The following POLD3 variants were observed in gnomAD, a reference collection of about 807,000 sequenced individuals.
POLD3 encodes the protein DNA polymerase delta subunit 3.
Under a neutral mutation model 58.2 loss-of-function variants are expected in POLD3, and 19 were observed. That is an observed-to-expected ratio of 0.33 (90% CI 0.23 to 0.48). POLD3 has a LOEUF of 0.48. POLD3 is among the 20% of genes least tolerant of loss of function. POLD3 has a pLI of 0.99. For missense variants in POLD3, 504 were observed against 545.5 expected (o/e 0.92, Z 0.76); for synonymous variants, 172 against 193.5 (o/e 0.89, Z 0.92).
At position 74,641,300 on chromosome 11, in the gene POLD3, C is replaced by T. The variant is rs759774710; in HGVS notation, c.*534C>T. On this transcript the variant is annotated 3_prime_UTR_variant, in exon 12 of 12. Coordinates refer to ENST00000263681, the MANE Select transcript of POLD3 (RefSeq NM_006591.3). Reference sequence around the variant, plus strand: ...TTTTAAGTTTTGGTTGGACTAAAGGCTGAAGTGAAAATCTCCCTGTAATCC... The same window carrying T: ...TTTTAAGTTTTGGTTGGACTAAAGGTTGAAGTGAAAATCTCCCTGTAATCC... 16 of 985,348 alleles carry T rather than the reference C, an allele frequency of 1.6e-5. No homozygotes were observed. The highest frequency in any genetic ancestry group is 1.7e-5 in the Non-Finnish European group (14 of 829,986). The allele number at this position is 985,348 out of a possible 1,614,324, so 61.0% of individuals were successfully genotyped here. A position where few individuals can be genotyped will look rare whatever the true frequency, so the allele number is the denominator to read the frequency against.
intron 4 of POLD3, among the ~76,000 whole-genome samples, chr11:74,650,257 T>C (rs2033051610): frequency 6.6e-6 from 1 of 152,164 alleles, no homozygotes. Context: ...AGACAGCACA[T>C]CAGACTGTCA....
chr11:74,657,143 C>T (rs2033146918), intron 4 of POLD3, among the ~76,000 whole-genome samples: 1 of 151,614 alleles, frequency 6.6e-6, no homozygotes, highest in African/African-American at 2.4e-5. Flanking sequence ...TTTTTCCATC[C>T]CTTTATTTTC....
At chr11:74,650,782 GC>G (rs1386852003) in intron 4 of POLD3, among the ~76,000 whole-genome samples, 1 of 152,198 alleles carries the variant, frequency 6.6e-6, no homozygotes, top group Non-Finnish European at 1.5e-5. Flanking sequence ...AAGTTTCAAG[GC>G]AGCAGAGGCT....
At chr11:74,644,385 G>T (rs2032974918), downstream of POLD3, among the ~76,000 whole-genome samples, 1 of 152,176 alleles carries the variant, frequency 6.6e-6, no homozygotes, top group African/African-American at 2.4e-5. Context: ...TCGTTTTGTT[G>T]TGAGAAGGCA....
intron 11 of POLD3, among the ~76,000 whole-genome samples, chr11:74,637,839 A>G (rs541330727): frequency 1.3e-5 from 2 of 150,678 alleles, no homozygotes; most frequent in Admixed American, 6.6e-5. Flanking sequence ...TTTTGGTCCA[A>G]GCTCAACCTA....
intron 3 of POLD3, among the ~76,000 whole-genome samples, 174 bp downstream of exon 3, chr11:74,604,968 T>G (rs1032596464): frequency 2.6e-5 from 4 of 152,226 alleles, no homozygotes; most frequent in African/African-American, 9.6e-5. Context: ...CTGAGAAGTT[T>G]GGGTAATATC....
chr11:74,603,942 T>G (rs1356440542), intron 2 of POLD3, among the ~76,000 whole-genome samples: 1 of 152,186 alleles, frequency 6.6e-6, no homozygotes, highest in African/African-American at 2.4e-5. Flanking sequence ...AAAAATGAAT[T>G]TAGAGATTTT....
chr11:74,654,540 C>T (rs1189872896), intron 4 of POLD3, among the ~76,000 whole-genome samples: 2 of 152,112 alleles, frequency 1.3e-5, no homozygotes, highest in East Asian at 3.8e-4. Context: ...TTGTCAAAAA[C>T]AAAATTGATT....
rs191470310 is a variant in POLD3 at position 74,618,160 on chromosome 11, G to A, written c.393-377G>A. Among the ~76,000 whole-genome samples the A allele has an allele frequency of 3.4e-3, 515 of 152,244 alleles. 3 individuals are homozygous for A. Among genetic ancestry groups the A allele is most frequent in the African/African-American group, 0.012 (482 of 41,512 alleles). ...AACAAAGGCTATTTCATTTCCCAAG[G>A]ATAATGAAATTACTGCATCTTTTAT... On this transcript the variant is annotated intron_variant, in intron 5 of 11. Transcript: ENST00000263681.
At chr11:74,665,513 G>A (rs2033258070) in intron 4 of POLD3, among the ~76,000 whole-genome samples, 1 of 142,516 alleles carries the variant, frequency 7.0e-6, no homozygotes, top group Non-Finnish European at 1.5e-5. Context: ...CAAGTCTCTT[G>A]CCTCAGCCTC....
intron 4 of POLD3, among the ~76,000 whole-genome samples, chr11:74,664,871 G>A (rs2033247403): frequency 1.3e-5 from 2 of 152,152 alleles, no homozygotes; most frequent in Non-Finnish European, 2.9e-5. Flanking sequence ...AGGCCTAGGT[G>A]GGCAGATCCC....
chr11:74,634,748 A>T, intron 10 of POLD3, 53 bp downstream of exon 10: 1 of 984,246 alleles, frequency 1.0e-6, no homozygotes, highest in East Asian at 2.4e-5. Flanking sequence ...TGTCTTAAGG[A>T]CCTACAACCA....
At chr11:74,656,618 C>CCA (rs2135197224) in intron 4 of POLD3, among the ~76,000 whole-genome samples, 1 of 152,210 alleles carries the variant, frequency 6.6e-6, no homozygotes, top group African/African-American at 2.4e-5. Context: ...CTTCATTGAC[C>CCA]CACTGGTCAT....
intron 2 of POLD3, among the ~76,000 whole-genome samples, chr11:74,600,032 G>A (rs1268349448): frequency 6.6e-6 from 1 of 150,572 alleles, no homozygotes; most frequent in Non-Finnish European, 1.5e-5. Context: ...TGCAACCTCC[G>A]CCTTTAGAAT....
At chr11:74,666,720 GA>G (rs1421612362) in intron 4 of POLD3, among the ~76,000 whole-genome samples, 1 of 151,880 alleles carries the variant, frequency 6.6e-6, no homozygotes, top group Non-Finnish European at 1.5e-5. Context: ...TTTTTCCCCA[GA>G]AATTGACAAG....
intron 4 of POLD3, chr11:74,652,605 A>G (rs1055966575): frequency 2.0e-5 from 3 of 152,082 alleles, no homozygotes; most frequent in Non-Finnish European, 2.9e-5. Flanking sequence ...GAGGCAGAAA[A>G]CTCCCGAAGG....
At chr11:74,604,198 G>A (rs560527118) in intron 2 of POLD3, among the ~76,000 whole-genome samples, 5 of 152,254 alleles carry the variant, frequency 3.3e-5, no homozygotes, top group African/African-American at 1.2e-4. Flanking sequence ...TCCCAAAAAA[G>A]CACATAAACA....
chr11:74,641,523 T>C lies in POLD3; in HGVS notation c.*757T>C, dbSNP rs2135185931. On this transcript the variant is annotated 3_prime_UTR_variant, in exon 12 of 12. Coordinates refer to ENST00000263681, the MANE Select transcript of POLD3 (RefSeq NM_006591.3). ...TACCTCGAGTCAGCATTGACGATATTGGAGGAGCTGCCGTGCTGCTGATAC... is the reference window on the plus strand; with the variant it reads ...TACCTCGAGTCAGCATTGACGATATCGGAGGAGCTGCCGTGCTGCTGATAC... 2 of 985,458 alleles carry C rather than the reference T, an allele frequency of 2.0e-6. No homozygotes were observed. Among genetic ancestry groups the C allele is most frequent in the Non-Finnish European group, 2.4e-6 (2 of 829,942 alleles). 61.0% of individuals were successfully genotyped at this position (985,458 alleles called of 1,614,324 possible).
intron 4 of POLD3, among the ~76,000 whole-genome samples, chr11:74,649,393 C>T (rs914892355): frequency 6.6e-6 from 1 of 152,168 alleles, no homozygotes; most frequent in African/African-American, 2.4e-5. Flanking sequence ...GAGAGGCAGA[C>T]AGAGTATCCT....
Sources: gnomAD v4.1 joint callset for allele counts (sites outside exome capture counted in the v4.1 genomes callset) on GRCh38, gnomAD v4.1.1 for gene constraint, MANE v1.5 for transcripts, NCBI Gene and HGNC (gene_info 2026-07-23, HGNC 2026-07-21) for gene names.